Variants in MSN observed in about 807,000 individuals in gnomAD.
MSN encodes moesin, also known as epididymis luminal protein 70.
A neutral mutation model predicts 48.0 loss-of-function variants in MSN; 2 were observed. The observed-to-expected ratio is 0.04, with a 90% CI of 0.02 to 0.13. MSN has a LOEUF of 0.13. Among genes scored for constraint, MSN ranks in the 10% least tolerant of loss-of-function variants. The pLI, the probability that MSN is intolerant of heterozygous loss-of-function variation, is 1.00. For synonymous variants in MSN, 146 were observed against 166.9 expected (o/e 0.87, Z 0.97); for missense variants, 267 against 470.1 (o/e 0.57, Z 3.99).
chrX:65,648,114 G>A (rs2070708411), intron 1 of MSN, among the ~76,000 whole-genome samples: 1 of 106,979 alleles, frequency 9.3e-6, no homozygotes, highest in South Asian at 4.4e-4. Flanking sequence ...CTTAGCAGTG[G>A]GTTGAAATGG....
At chrX:65,669,321 C>T (rs1360793504) in intron 1 of MSN, among the ~76,000 whole-genome samples, 2 of 110,722 alleles carry the variant, frequency 1.8e-5, no homozygotes, top group Admixed American at 9.7e-5. Context: ...GTGGTTGACT[C>T]CTGACTCCTC....
At chrX:65,646,962 C>T (rs1239549830) in intron 1 of MSN, among the ~76,000 whole-genome samples, 1 of 110,592 alleles carries the variant, frequency 9.0e-6, no homozygotes, top group Non-Finnish European at 1.9e-5. Flanking sequence ...CAAAACAAAA[C>T]AAAACAAAAA....
intron 1 of MSN, among the ~76,000 whole-genome samples, chrX:65,679,283 A>G (rs920134071): frequency 2.7e-5 from 3 of 112,160 alleles, no homozygotes. Flanking sequence ...AACTGAGGAC[A>G]TATGAGATTT....
chrX:65,649,142 G>C (rs2070718993), intron 1 of MSN, among the ~76,000 whole-genome samples: 1 of 108,300 alleles, frequency 9.2e-6, no homozygotes, highest in African/African-American at 3.3e-5. Context: ...GGGAGAAGAA[G>C]GTAGACTGCT....
At chrX:65,708,235 A>G (rs955168160) in intron 1 of MSN, among the ~76,000 whole-genome samples, 1 of 111,432 alleles carries the variant, frequency 9.0e-6, no homozygotes, top group Non-Finnish European at 1.9e-5. Flanking sequence ...CAGTGTTTTG[A>G]TATATACAAT....
rs776884047 is a variant in MSN, at chrX:65,667,862, CG to C, written c.12+11del. On this transcript the variant is annotated intron_variant, in intron 1 of 12. Transcript: ENST00000360270. ...CCACCATGCCCAAAACGGTGAGTGC[CG>C]GAGGTGGGCGCTGTCGACCCCAATG... The C allele has an allele frequency of 5.4e-5, 65 of 1,208,736 alleles. No individual in the cohort carries two copies. Among genetic ancestry groups the C allele is most frequent in the Non-Finnish European group, 6.9e-5 (62 of 893,830 alleles).
At position 65,724,776 on chromosome X, in the gene MSN, T is replaced by TC. The variant is rs1326657207; in HGVS notation, c.97-3035dup. ...ATCTCAGCTCACTGCATCCTCCACC[T>TC]CCCAGGTTCAAGCTATTCTTCTGCC... On this transcript the variant is annotated intron_variant, in intron 2 of 12. Transcript: ENST00000360270. 1.3e-4 allele frequency among the ~76,000 whole-genome samples: 15 copies of TC among 111,338 alleles called. No homozygotes were observed. In the Admixed American group the frequency reaches 1.4e-3, roughly 11 times the overall value.
chrX:65,618,530 C>T (rs1279672932), intron 1 of MSN, among the ~76,000 whole-genome samples: 2 of 110,857 alleles, frequency 1.8e-5, no homozygotes, highest in Non-Finnish European at 3.8e-5. Flanking sequence ...GGATTGCAAC[C>T]CCTTCCTTTT....
intron 1 of MSN, among the ~76,000 whole-genome samples, chrX:65,599,030 T>TA (rs1368682230): frequency 9.0e-6 from 1 of 110,982 alleles, no homozygotes; most frequent in African/African-American, 3.3e-5. Context: ...CTCACGCCGG[T>TA]AATCCCGGCA....
intron 1 of MSN, among the ~76,000 whole-genome samples, chrX:65,659,623 C>A (rs957260386): frequency 9.0e-6 from 1 of 111,461 alleles, no homozygotes; most frequent in Non-Finnish European, 1.9e-5. Flanking sequence ...CATCTCCTGC[C>A]CACTGACTCA....
chrX:65,646,902 G>A (rs1488997174), intron 1 of MSN, among the ~76,000 whole-genome samples: 1 of 111,211 alleles, frequency 9.0e-6, no homozygotes, highest in East Asian at 2.9e-4. Context: ...AGCCGAGATC[G>A]CACCATTGCA....
intron 1 of MSN, among the ~76,000 whole-genome samples, chrX:65,646,511 T>C (rs2070695939): frequency 9.0e-6 from 1 of 111,555 alleles, no homozygotes; most frequent in South Asian, 3.8e-4. Context: ...GAGTTCTATA[T>C]CCCCCATCTC....
At chrX:65,649,588 A>T (rs138609040) in intron 1 of MSN, among the ~76,000 whole-genome samples, 13,323 of 93,409 alleles carry the variant, frequency 0.14, 1,071 homozygotes, top group Middle Eastern at 0.19. Context: ...AAAAAAAAAA[A>T]ATATATATAT....
chrX:65,603,707 A>G (rs948174286), intron 1 of MSN, among the ~76,000 whole-genome samples: 10 of 112,681 alleles, frequency 8.9e-5, no homozygotes, highest in Non-Finnish European at 1.5e-4. Flanking sequence ...AATAAGAGCC[A>G]TATCTAATAA....
chrX:65,722,175 A>C (rs2071523745), intron 2 of MSN, among the ~76,000 whole-genome samples: 1 of 112,016 alleles, frequency 8.9e-6, no homozygotes, highest in Non-Finnish European at 1.9e-5. Context: ...GACCACAGGC[A>C]ATGTGTAATA....
intron 1 of MSN, among the ~76,000 whole-genome samples, chrX:65,605,163 C>T (rs1383357549): frequency 8.9e-6 from 1 of 112,411 alleles, no homozygotes; most frequent in East Asian, 2.8e-4. Context: ...TTGGTAAATT[C>T]TCCATTTACC....
At chrX:65,696,466 C>T (rs1043634031) in intron 1 of MSN, among the ~76,000 whole-genome samples, 4 of 111,517 alleles carry the variant, frequency 3.6e-5, no homozygotes, top group Non-Finnish European at 7.5e-5. Context: ...ATGTATGTTG[C>T]CTTGACCATT....
At chrX:65,682,348 C>A (rs939153995) in intron 1 of MSN, among the ~76,000 whole-genome samples, 1 of 111,975 alleles carries the variant, frequency 8.9e-6, no homozygotes, top group African/African-American at 3.3e-5. Flanking sequence ...TTGTTTTCAC[C>A]ACATACTACC....
At chrX:65,670,637 C>T (rs184606564) in intron 1 of MSN, among the ~76,000 whole-genome samples, 13 of 107,818 alleles carry the variant, frequency 1.2e-4, no homozygotes, top group African/African-American at 4.4e-4. Context: ...GCAGGAGAAT[C>T]GCTTGAACCT....
Sources: gnomAD v4.1 joint callset for allele counts (sites outside exome capture counted in the v4.1 genomes callset) on GRCh38, gnomAD v4.1.1 for gene constraint, MANE v1.5 for transcripts, NCBI Gene and HGNC (gene_info 2026-07-23, HGNC 2026-07-21) for gene names.